RHAG: variants seen among roughly 807,000 people sequenced by gnomAD.
RHAG encodes Rh associated glycoprotein, also known as ammonium transporter Rh type A.
In RHAG, 25 loss-of-function variants were observed where a neutral mutation model predicts 42.4. That is an observed-to-expected ratio of 0.59 (90% confidence interval 0.43 to 0.82). The LOEUF is 0.82. Among genes scored for constraint, RHAG ranks in the 40% least tolerant of loss-of-function variants. The probability of loss-of-function intolerance (pLI) is 0.00; values close to 1 mark genes in which losing one functional copy is unlikely to be tolerated. For synonymous variants in RHAG, 182 were observed against 177.7 expected, an observed-to-expected ratio of 1.02 and a Z score of -0.19; for missense variants, 483 against 504.6, an observed-to-expected ratio of 0.96 and a Z score of 0.41.
At chr6:49,618,963 G>T (rs1160299256) in intron 2 of RHAG, among the ~76,000 whole-genome samples, 3 of 152,228 alleles carry the variant, frequency 2.0e-5, no homozygotes, top group East Asian at 3.9e-4. Context: ...TTGGTAGATG[G>T]TGCCTTCCAG....
chr6:49,607,671 A>G (rs1471548162), intron 7 of RHAG, among the ~76,000 whole-genome samples: 2 of 152,224 alleles, frequency 1.3e-5, no homozygotes, highest in South Asian at 2.1e-4. Flanking sequence ...GTATATCTCT[A>G]TATGTCATCT....
intron 1 of RHAG, among the ~76,000 whole-genome samples, chr6:49,628,053 A>C: frequency 6.6e-6 from 1 of 151,886 alleles, no homozygotes; most frequent in Middle Eastern, 3.4e-3. Flanking sequence ...CTTTTCCTCT[A>C]TTTCCTATAT....
At chr6:49,633,798 T>C (rs1347571705) in intron 1 of RHAG, among the ~76,000 whole-genome samples, 1 of 152,150 alleles carries the variant, frequency 6.6e-6, no homozygotes, top group Non-Finnish European at 1.5e-5. Flanking sequence ...TCCAAATGCA[T>C]TTATGTCTCT....
chr6:49,624,739 A>T (rs1013141631), intron 1 of RHAG, among the ~76,000 whole-genome samples: 17 of 152,210 alleles, frequency 1.1e-4, no homozygotes, highest in Non-Finnish European at 2.4e-4. Flanking sequence ...ATATATCCAG[A>T]ATAAACATGT....
At chr6:49,608,941 C>A (rs1762520803) in intron 7 of RHAG, among the ~76,000 whole-genome samples, 2 of 151,942 alleles carry the variant, frequency 1.3e-5, no homozygotes, top group South Asian at 4.2e-4. Context: ...TTTACAAGGT[C>A]TTAAAAGATA....
intron 1 of RHAG, among the ~76,000 whole-genome samples, chr6:49,622,746 T>C (rs937756445): frequency 6.6e-6 from 1 of 152,176 alleles, no homozygotes; most frequent in Non-Finnish European, 1.5e-5. Flanking sequence ...TTCAAGAAAT[T>C]GTTTTATCTA....
chr6:49,615,047 A>T (rs1372506913), intron 4 of RHAG, 194 bp from the exon 5 acceptor site: 1 of 569,950 alleles, frequency 1.8e-6, no homozygotes, highest in Non-Finnish European at 3.1e-6. Flanking sequence ...TCTCAGGTTC[A>T]AGCAATTCTT....
rs368093436 is a variant in RHAG, at chr6:49,611,916, A to AT, written c.945+480dup. Reference sequence around the variant, plus strand: ...GCCACCATGCCCGGCTAATTTTTGTATTTTTTTTTTTAGTAGAGACGGGGG... The same window carrying AT: ...GCCACCATGCCCGGCTAATTTTTGTATTTTTTTTTTTTAGTAGAGACGGGGG... On this transcript the variant is annotated intron_variant, in intron 6 of 9. Transcript: ENST00000371175. Among the ~76,000 whole-genome samples the AT allele has an allele frequency of 6.6e-3, 945 of 144,060 alleles. 11 individuals are homozygous for AT. The highest frequency in any genetic ancestry group is 0.022 in the African/African-American group (877 of 39,470). 94.5% of individuals were successfully genotyped at this position (144,060 alleles called of 152,430 possible). A position where few individuals can be genotyped will look rare whatever the true frequency, so the allele number is the denominator to read the frequency against.
intron 1 of RHAG, among the ~76,000 whole-genome samples, chr6:49,621,211 C>T (rs1303594041): frequency 6.6e-6 from 1 of 152,120 alleles, no homozygotes; most frequent in African/African-American, 2.4e-5. Context: ...TGCCCAGATG[C>T]CCCCTTCAGA....
chr6:49,623,617 G>A (rs1330258106), intron 1 of RHAG, among the ~76,000 whole-genome samples: 1 of 152,162 alleles, frequency 6.6e-6, no homozygotes, highest in Non-Finnish European at 1.5e-5. Context: ...GACAATGTCT[G>A]GAGACATTTG....
At chr6:49,614,624 C>T in intron 5 of RHAG, 63 bp downstream of exon 5, 2 of 1,400,992 alleles carry the variant, frequency 1.4e-6, no homozygotes, top group Middle Eastern at 2.4e-4. Flanking sequence ...TTACCTACTA[C>T]TTATCTGAGC....
chr6:49,623,908 A>G (rs1324729467), intron 1 of RHAG, among the ~76,000 whole-genome samples: 1 of 152,216 alleles, frequency 6.6e-6, no homozygotes, highest in African/African-American at 2.4e-5. Flanking sequence ...CCAGCAGCAC[A>G]GCAAATTTTG....
At chr6:49,623,424 C>T (rs1272414829) in intron 1 of RHAG, among the ~76,000 whole-genome samples, 1 of 152,160 alleles carries the variant, frequency 6.6e-6, no homozygotes, top group Non-Finnish European at 1.5e-5. Flanking sequence ...AGGGCCACAA[C>T]TATAGTTGTG....
At chr6:49,634,545 C>T (rs1403736154) in intron 1 of RHAG, among the ~76,000 whole-genome samples, 1 of 151,882 alleles carries the variant, frequency 6.6e-6, no homozygotes, top group African/African-American at 2.4e-5. Context: ...TTCACAATAG[C>T]CAAGATACGT....
In RHAG at chr6:49,607,216, T is replaced by C. The variant is rs370705012; in HGVS notation, c.1072A>G (p.Met358Val). The change falls in exon 8 of 10, where the codon ATG becomes GTG. Residue 358 changes from methionine to valine, a missense_variant. Coordinates refer to ENST00000371175, the MANE Select transcript of RHAG (RefSeq NM_000324.3). ...CCCAGTGCAGCTGCCTGCATGGCCA[T>C]AGACCTAAGGAAGCAAACAAAAAAG... Reference protein sequence around the residue: ...AVAMGASNTSMAMQAAALGSS... With the variant: ...AVAMGASNTSVAMQAAALGSS... 3.1e-6 allele frequency: 5 copies of C among 1,613,106 alleles called. No homozygotes were observed. In the African/African-American group the frequency reaches 4.0e-5, roughly 13 times the overall value.
At chr6:49,631,548 G>GCC (rs1323907845) in intron 1 of RHAG, among the ~76,000 whole-genome samples, 3 of 151,990 alleles carry the variant, frequency 2.0e-5, no homozygotes, top group African/African-American at 7.3e-5. Context: ...GCCTGTTGAT[G>GCC]CCCCATTCAA....
In RHAG at chr6:49,615,655, G is replaced by A. The variant is rs773998727; in HGVS notation, c.609C>T (p.Ser203=). ...TTGCAAACAAGTCTGAGTAGTATGC[G>A]GACTCTTCATTTTCATGCCCCTTTC... ...GLRKGHENEE[S]AYYSDLFAMI... is the part of the protein sequence containing the mutation. The change falls in exon 4 of 10, where the codon TCC becomes TCT. Residue 203 remains serine (S), a synonymous_variant. Coordinates refer to ENST00000371175, the MANE Select transcript of RHAG (RefSeq NM_000324.3). 1.1e-5 allele frequency: 18 copies of A among 1,613,912 alleles called. No homozygotes were observed. The highest frequency in any genetic ancestry group is 1.2e-5 in the Non-Finnish European group (14 of 1,180,000).
At chr6:49,607,027 A>G in intron 8 of RHAG, 106 bp from the exon 9 acceptor site, 1 of 1,200,038 alleles carries the variant, frequency 8.3e-7, no homozygotes, top group Non-Finnish European at 1.2e-6. Context: ...TAAATGACAT[A>G]ATTACTTTAC....
At chr6:49,622,883 C>T (rs1432843872) in intron 1 of RHAG, among the ~76,000 whole-genome samples, 2 of 149,300 alleles carry the variant, frequency 1.3e-5, no homozygotes, top group East Asian at 2.0e-4. Flanking sequence ...TCGCCCAGGC[C>T]GGACTGCAGT....
Sources: gnomAD v4.1 joint callset for allele counts (sites outside exome capture counted in the v4.1 genomes callset) on GRCh38, gnomAD v4.1.1 for gene constraint, MANE v1.5 for transcripts, NCBI Gene and HGNC (gene_info 2026-07-23, HGNC 2026-07-21) for gene names.